The following PDE1C variants were observed in gnomAD, a reference collection of about 807,000 sequenced individuals.
PDE1C encodes dual specificity calcium/calmodulin-dependent 3',5'-cyclic nucleotide phosphodiesterase 1C.
In PDE1C, 62 loss-of-function variants were observed where a neutral mutation model predicts 93.1. The observed-to-expected ratio is 0.67, with a 90% CI of 0.54 to 0.82. The LOEUF is 0.82. Among genes scored for constraint, PDE1C ranks in the 40% least tolerant of loss-of-function variants. The probability of loss-of-function intolerance (pLI) is 0.00; values close to 1 mark genes in which losing one functional copy is unlikely to be tolerated. For missense variants in PDE1C, 742 were observed against 884.6 expected, an observed-to-expected ratio of 0.84 and a Z score of 2.04; for synonymous variants, 325 against 310.1, an observed-to-expected ratio of 1.05 and a Z score of -0.50.
chr7:32,385,411 T>G (rs1784603987), intron 1 of PDE1C, among the ~76,000 whole-genome samples: 2 of 152,156 alleles, frequency 1.3e-5, no homozygotes, highest in African/African-American at 4.8e-5. Flanking sequence ...GCCTTTGAAA[T>G]ACTTCCAATA....
chr7:31,888,926 G>A (rs1036582992), intron 2 of PDE1C, among the ~76,000 whole-genome samples: 3 of 151,978 alleles, frequency 2.0e-5, no homozygotes, highest in Non-Finnish European at 2.9e-5. Flanking sequence ...ACATCAAAAC[G>A]AAACAGTTTC....
chr7:31,645,577 C>T, the PDE1C span, among the ~76,000 whole-genome samples: 3 of 151,698 alleles, frequency 2.0e-5, no homozygotes, highest in African/African-American at 4.9e-5. Flanking sequence ...ACAGTAGGGT[C>T]GTCATCACCA....
the PDE1C span, among the ~76,000 whole-genome samples, chr7:31,724,858 G>A: frequency 2.0e-5 from 3 of 152,238 alleles, no homozygotes; most frequent in Non-Finnish European, 2.9e-5. Context: ...TTTTGGGACC[G>A]CCCTTTCTGA....
chr7:31,842,250 G>A (rs1792001436), intron 9 of PDE1C, among the ~76,000 whole-genome samples: 1 of 152,000 alleles, frequency 6.6e-6, no homozygotes, highest in African/African-American at 2.4e-5. Context: ...AAATACATTA[G>A]TCTTTAACAT....
intron 16 of PDE1C, among the ~76,000 whole-genome samples, chr7:31,780,983 G>A (rs1783369406): frequency 6.6e-6 from 1 of 152,204 alleles, no homozygotes; most frequent in African/African-American, 2.4e-5. Flanking sequence ...CACCACTGCA[G>A]CTTATGTGAC....
intron 3 of PDE1C, among the ~76,000 whole-genome samples, chr7:32,141,238 G>C (rs551062995): frequency 1.3e-5 from 2 of 152,264 alleles, no homozygotes; most frequent in African/African-American, 4.8e-5. Context: ...CTAAGAAAGC[G>C]AGAGAATAGC....
At chr7:32,231,942 CAAAT>C (rs1439852655) in intron 1 of PDE1C, among the ~76,000 whole-genome samples, 2 of 143,654 alleles carry the variant, frequency 1.4e-5, no homozygotes, top group Admixed American at 7.3e-5. Flanking sequence ...GTGATTAAAA[CAAAT>C]AAATATGTGT....
intron 2 of PDE1C, among the ~76,000 whole-genome samples, chr7:32,170,865 C>T (rs1385083166): frequency 6.6e-6 from 1 of 152,098 alleles, no homozygotes; most frequent in South Asian, 2.1e-4. Flanking sequence ...ATCTACCTCC[C>T]TTATAGGACT....
the PDE1C span, among the ~76,000 whole-genome samples, chr7:31,668,494 T>A: frequency 6.6e-6 from 1 of 150,954 alleles, no homozygotes; most frequent in African/African-American, 2.4e-5. Flanking sequence ...TCTTCAGCAA[T>A]AAAAAAAAAA....
intron 15 of PDE1C, among the ~76,000 whole-genome samples, chr7:31,815,035 A>T (rs913738104): frequency 6.6e-6 from 1 of 151,852 alleles, no homozygotes; most frequent in Non-Finnish European, 1.5e-5. Context: ...TGTTCTCTCC[A>T]CTCAGAAGTA....
intron 1 of PDE1C, among the ~76,000 whole-genome samples, chr7:32,371,576 G>A (rs1487856758): frequency 3.3e-5 from 5 of 152,140 alleles, no homozygotes; most frequent in Admixed American, 2.6e-4. Context: ...TTCAAAAAAT[G>A]GCTGGCCATT....
upstream of PDE1C, chr7:32,299,414 C>T: frequency 1.0e-6 from 1 of 985,542 alleles, no homozygotes; most frequent in Non-Finnish European, 1.2e-6. Context: ...TCCACTGTCC[C>T]TGCCAGGAAG....
intron 3 of PDE1C, among the ~76,000 whole-genome samples, chr7:32,160,087 G>C (rs1801815937): frequency 6.6e-6 from 1 of 152,138 alleles, no homozygotes; most frequent in African/African-American, 2.4e-5. Flanking sequence ...AGGAGGAGTG[G>C]AAAGGGGCTG....
intron 2 of PDE1C, among the ~76,000 whole-genome samples, chr7:31,889,826 T>C (rs1002945813): frequency 6.6e-6 from 1 of 152,188 alleles, no homozygotes; most frequent in Non-Finnish European, 1.5e-5. Context: ...AGCAATAATA[T>C]TGACTTTGTT....
At chr7:31,796,247 TATATC>T (rs1405639796) in intron 16 of PDE1C, among the ~76,000 whole-genome samples, 2 of 151,120 alleles carry the variant, frequency 1.3e-5, no homozygotes, top group South Asian at 2.1e-4. Flanking sequence ...ATATATCAGA[TATATC>T]ATATTGTATC....
the PDE1C span, among the ~76,000 whole-genome samples, chr7:31,675,778 A>T: frequency 6.6e-6 from 1 of 152,048 alleles, no homozygotes. Flanking sequence ...CTGTTGGAAA[A>T]TTTCAGCAAT....
At chr7:32,376,572 C>T (rs1455013279) in intron 1 of PDE1C, among the ~76,000 whole-genome samples, 1 of 152,172 alleles carries the variant, frequency 6.6e-6, no homozygotes, top group Non-Finnish European at 1.5e-5. Context: ...CCCTTAAGCT[C>T]GAGGCCATCT....
intron 6 of PDE1C, among the ~76,000 whole-genome samples, chr7:31,872,739 T>C (rs1324173550): frequency 6.6e-6 from 1 of 152,156 alleles, no homozygotes; most frequent in Non-Finnish European, 1.5e-5. Flanking sequence ...TCTACAGTAT[T>C]AGAAGGCTGT....
chr7:32,240,002 C>T (rs1808422377), intron 1 of PDE1C, among the ~76,000 whole-genome samples: 1 of 152,210 alleles, frequency 6.6e-6, no homozygotes, highest in African/African-American at 2.4e-5. Flanking sequence ...CAGCCTGGAT[C>T]CTGAATTGGG....
Sources: allele counts gnomAD v4.1 joint callset (sites outside exome capture counted in the v4.1 genomes callset), GRCh38; gene constraint gnomAD v4.1.1; transcripts MANE v1.5; gene names NCBI Gene and HGNC (gene_info 2026-07-23, HGNC 2026-07-21).